KIRREL3: variants seen among roughly 807,000 people sequenced by gnomAD.
KIRREL3 encodes the protein kirre like nephrin family adhesion molecule 3.
Under a neutral mutation model 89.7 loss-of-function variants are expected in KIRREL3, and 36 were observed. The observed-to-expected ratio is 0.40, with a 90% confidence interval of 0.31 to 0.53. The LOEUF (loss-of-function observed/expected upper bound fraction) is 0.53. Ranked by LOEUF, KIRREL3 falls within the 20% of genes least tolerant of loss-of-function variation. The probability of loss-of-function intolerance (pLI) is 0.49; values close to 1 mark genes in which losing one functional copy is unlikely to be tolerated. For synonymous variants in KIRREL3, 445 were observed against 441.4 expected, an observed-to-expected ratio of 1.01 and a Z score of -0.10; for missense variants, 864 against 1,056.6, an observed-to-expected ratio of 0.82 and a Z score of 2.53.
chr11:126,440,715 T>A, intron 10 of KIRREL3, 166 bp from the exon 11 acceptor site: 1 of 677,706 alleles, frequency 1.5e-6, no homozygotes, highest in South Asian at 1.6e-5. Flanking sequence ...CAGAGATAAA[T>A]TAGGCATTCA....
intron 1 of KIRREL3, among the ~76,000 whole-genome samples, chr11:126,962,040 C>T (rs1239804761): frequency 6.6e-6 from 1 of 152,202 alleles, no homozygotes; most frequent in Non-Finnish European, 1.5e-5. Flanking sequence ...CTCATTGACA[C>T]TTAACCTCGT....
At chr11:126,963,610 T>C (rs955286966) in intron 1 of KIRREL3, among the ~76,000 whole-genome samples, 1 of 152,162 alleles carries the variant, frequency 6.6e-6, no homozygotes, top group African/African-American at 2.4e-5. Flanking sequence ...AGACAAAACA[T>C]GATAAACACA....
intron 1 of KIRREL3, among the ~76,000 whole-genome samples, chr11:126,839,845 T>A (rs1315933633): frequency 6.6e-6 from 1 of 152,206 alleles, no homozygotes; most frequent in Non-Finnish European, 1.5e-5. Flanking sequence ...ATAAATTAAA[T>A]CTTATCTAAA....
Position 126,489,350 on chromosome 11 carries a change from T to G in KIRREL3, c.434-15884A>C, listed in dbSNP as rs1282988066. On this transcript the variant is annotated intron_variant, in intron 4 of 16. Coordinates refer to ENST00000525144, the MANE Select transcript of KIRREL3 (RefSeq NM_032531.4). The surrounding 1 kb of genome is among the most constrained non-coding windows in gnomAD (Gnocchi z 5.5). ...AGGTGCTCAACAGATGAGCACCCCATCAATGATGGAAGGGTAAGAAGAGAC... is the reference window on the plus strand; with the variant it reads ...AGGTGCTCAACAGATGAGCACCCCAGCAATGATGGAAGGGTAAGAAGAGAC... Among the ~76,000 whole-genome samples, 2 of 152,012 alleles carry G rather than the reference T, an allele frequency of 1.3e-5. No individual in the cohort carries two copies. The highest frequency in any genetic ancestry group is 2.9e-5 in the Non-Finnish European group (2 of 67,980).
intron 1 of KIRREL3, among the ~76,000 whole-genome samples, chr11:126,629,128 C>A (rs1050451307): frequency 3.9e-5 from 6 of 152,202 alleles, no homozygotes; most frequent in African/African-American, 1.4e-4. Flanking sequence ...GCTTCTGGAC[C>A]AGGCCTGTGC....
In KIRREL3 at chr11:126,815,124, T is replaced by C. The variant is rs528719795; in HGVS notation, c.55+185331A>G. ...CGGTGTTGGCTTATTTAAAAACAGA[T>C]GACAAAAGACACCTGGCTTGCAGTT... On this transcript the variant is annotated intron_variant, in intron 1 of 16. Transcript: ENST00000525144. Among the ~76,000 whole-genome samples the C allele has an allele frequency of 5.9e-5, 9 of 152,304 alleles. No homozygotes were observed. The South Asian group carries it at 6.2e-4, about 11-fold the overall frequency.
At position 126,742,667 on chromosome 11, in the gene KIRREL3, C is replaced by T. The variant is rs1344590250; in HGVS notation, c.56-179755G>A. Among the ~76,000 whole-genome samples the T allele has an allele frequency of 6.6e-6, 1 of 152,196 alleles. No individual in the cohort carries two copies. The highest frequency in any genetic ancestry group is 1.5e-5 in the Non-Finnish European group (1 of 68,032). The stretch of plus-strand genomic sequence containing the variant: ...GGGACATCAGCCTAGGTATGTCTAA[C>T]TCCGAATTTTATTTTCTCTCAAATA... On this transcript the variant is annotated intron_variant, in intron 1 of 16. Coordinates refer to ENST00000525144, the MANE Select transcript of KIRREL3 (RefSeq NM_032531.4). The surrounding 1 kb of genome is among the most constrained non-coding windows in gnomAD (Gnocchi z 5.3).
intron 7 of KIRREL3, among the ~76,000 whole-genome samples, chr11:126,450,282 TG>T (rs575309888): frequency 7.4e-4 from 112 of 152,098 alleles, no homozygotes; most frequent in African/African-American, 2.6e-3. Flanking sequence ...TGTGTGAGCA[TG>T]TGCGTGTGTG....
rs1350252634 is a variant in KIRREL3, at chr11:126,565,634, G to A, written c.56-2722C>T. Reference sequence around the variant, plus strand: ...TGCAAGAACGAGCAGGTTGGAGGATGAGTGAAGTGAGAATTAGTTAATTGT... The same window carrying A: ...TGCAAGAACGAGCAGGTTGGAGGATAAGTGAAGTGAGAATTAGTTAATTGT... On this transcript the variant is annotated intron_variant, in intron 1 of 16. Transcript: ENST00000525144. This position sits in a 1 kb window ranked among gnomAD's most constrained non-coding sequence, Gnocchi z 5.4. Among the ~76,000 whole-genome samples, 1 of 152,166 alleles carries A rather than the reference G, an allele frequency of 6.6e-6. No individual in the cohort carries two copies. Among genetic ancestry groups the A allele is most frequent in the Admixed American group, 6.6e-5 (1 of 15,262 alleles).
intron 1 of KIRREL3, among the ~76,000 whole-genome samples, chr11:126,596,797 A>G (rs952343815): frequency 2.6e-5 from 4 of 152,200 alleles, no homozygotes; most frequent in Non-Finnish European, 5.9e-5. Flanking sequence ...ATAAGGTAAT[A>G]AGAACTGAAT....
intron 1 of KIRREL3, among the ~76,000 whole-genome samples, chr11:126,660,004 CA>C (rs1945321083): frequency 6.6e-6 from 1 of 152,192 alleles, no homozygotes; most frequent in East Asian, 1.9e-4. Flanking sequence ...TCTTGAAAAG[CA>C]TGATAAAAAT....
chr11:126,892,607 C>T lies in KIRREL3; in HGVS notation c.55+107848G>A, dbSNP rs575615908. Among the ~76,000 whole-genome samples, 4 of 152,274 alleles carry T rather than the reference C, an allele frequency of 2.6e-5. No individual in the cohort carries two copies. In the East Asian group the frequency reaches 7.7e-4, roughly 29 times the overall value. On this transcript the variant is annotated intron_variant, in intron 1 of 16. Coordinates refer to ENST00000525144, the MANE Select transcript of KIRREL3 (RefSeq NM_032531.4). This position sits in a 1 kb window ranked among gnomAD's most constrained non-coding sequence, Gnocchi z 5.4. ...CTCTGTGCACGTGTGTGTGCATGTG[C>T]ACGTGTGTATGTATTATGTGTGTGT...
At chr11:126,785,622 A>C (rs1314085256) in intron 1 of KIRREL3, among the ~76,000 whole-genome samples, 1 of 152,196 alleles carries the variant, frequency 6.6e-6, no homozygotes, top group African/African-American at 2.4e-5. Flanking sequence ...TCATGCCTGT[A>C]ATCCCAGCAC....
At chr11:126,584,580 T>C (rs190689016) in intron 1 of KIRREL3, among the ~76,000 whole-genome samples, 1 of 152,332 alleles carries the variant, frequency 6.6e-6, no homozygotes, top group Admixed American at 6.5e-5. Flanking sequence ...AGGTGGTCTT[T>C]CTCAATGTCC....
chr11:126,958,958 C>T (rs1949003361), intron 1 of KIRREL3, among the ~76,000 whole-genome samples: 1 of 152,096 alleles, frequency 6.6e-6, no homozygotes, highest in Non-Finnish European at 1.5e-5. Flanking sequence ...AATTAGTAGA[C>T]TAAGTGAAGA....
Position 126,778,403 on chromosome 11 carries a change from A to T in KIRREL3, c.56-215491T>A, listed in dbSNP as rs774721056. On this transcript the variant is annotated intron_variant, in intron 1 of 16. Transcript: ENST00000525144. The surrounding 1 kb of genome is among the most constrained non-coding windows in gnomAD (Gnocchi z 4.5). ...GCTAAATCAGTGGGAACATCTTTCT[A>T]TGTCCATAAATACACTTCCACACCA... is the stretch of plus-strand genomic sequence containing the variant. 6.6e-6 allele frequency among the ~76,000 whole-genome samples: 1 copy of T among 152,198 alleles called. No homozygotes were observed. Among genetic ancestry groups the T allele is most frequent in the Non-Finnish European group, 1.5e-5 (1 of 68,020 alleles).
At chr11:126,869,266 G>A (rs921336852) in intron 1 of KIRREL3, among the ~76,000 whole-genome samples, 22 of 150,864 alleles carry the variant, frequency 1.5e-4, no homozygotes, top group Non-Finnish European at 2.4e-4. Flanking sequence ...ATGAACACCC[G>A]GCTTCCTTGC....
intron 1 of KIRREL3, among the ~76,000 whole-genome samples, chr11:126,616,635 C>T (rs1943363929): frequency 6.6e-6 from 1 of 152,182 alleles, no homozygotes; most frequent in Admixed American, 6.5e-5. Flanking sequence ...CTGAGGCTCA[C>T]AGGGCTTTTG....
chr11:126,504,881 A>G lies in KIRREL3; in HGVS notation c.433+16434T>C, dbSNP rs1157059845. ...AAAATCAATTACTGTAATACACTATATTAATAGAGTAATAAATAAAACTAT... is the reference window on the plus strand; with the variant it reads ...AAAATCAATTACTGTAATACACTATGTTAATAGAGTAATAAATAAAACTAT... On this transcript the variant is annotated intron_variant, in intron 4 of 16. Transcript: ENST00000525144. Among the ~76,000 whole-genome samples the G allele has an allele frequency of 2.0e-5, 3 of 152,232 alleles. No individual in the cohort carries two copies. In the East Asian group the frequency reaches 5.8e-4, roughly 29 times the overall value.
Sources: gnomAD v4.1 joint callset for allele counts (sites outside exome capture counted in the v4.1 genomes callset) on GRCh38, gnomAD v4.1.1 for gene constraint, Gnocchi (gnomAD v3.1) non-coding constraint, MANE v1.5 for transcripts, NCBI Gene and HGNC (gene_info 2026-07-23, HGNC 2026-07-21) for gene names.